Variants in DLG2 observed in about 807,000 individuals in gnomAD.
DLG2 encodes discs large MAGUK scaffold protein 2, also known as disks large homolog 2.
Under a neutral mutation model 132.5 loss-of-function variants are expected in DLG2, and 45 were observed. That is an observed-to-expected ratio of 0.34 (90% CI 0.27 to 0.44). DLG2 has a LOEUF of 0.44. Among genes scored for constraint, DLG2 ranks in the 20% least tolerant of loss-of-function variants. DLG2 has a pLI of 1.00. For synonymous variants in DLG2, 424 were observed against 419.6 expected, an observed-to-expected ratio of 1.01 and a Z score of -0.13; for missense variants, 1,045 against 1,196.9, an observed-to-expected ratio of 0.87 and a Z score of 1.87.
intron 3 of DLG2, among the ~76,000 whole-genome samples, chr11:85,595,524 G>C (rs180998911): frequency 6.6e-6 from 1 of 152,052 alleles, no homozygotes; most frequent in African/African-American, 2.4e-5. Flanking sequence ...GCATATTGCT[G>C]TTTCAGGGTT....
chr11:85,066,505 T>C (rs1297789220), intron 6 of DLG2, among the ~76,000 whole-genome samples: 1 of 151,552 alleles, frequency 6.6e-6, no homozygotes, highest in Non-Finnish European at 1.5e-5. Context: ...CAAAAAATTA[T>C]AGGCCAATAT....
Position 84,803,479 on chromosome 11 carries a change from G to A in DLG2, c.358-268748C>T, listed in dbSNP as rs115064826. ...ACTTTGATATGAGGGCCCTGAAAAC[G>A]CAGTAAGTTATATATTTCTGATAAG... is the stretch of plus-strand genomic sequence containing the variant. On this transcript the variant is annotated intron_variant, in intron 6 of 27. Transcript: ENST00000376104. Among the ~76,000 whole-genome samples the A allele has an allele frequency of 4.7e-3, 718 of 152,200 alleles. 2 individuals carry two copies. Among genetic ancestry groups the A allele is most frequent in the African/African-American group, 0.017 (698 of 41,510 alleles).
intron 4 of DLG2, among the ~76,000 whole-genome samples, chr11:85,170,545 C>T (rs1022087644): frequency 6.6e-6 from 1 of 152,162 alleles, no homozygotes; most frequent in Non-Finnish European, 1.5e-5. Context: ...CAATCTCCTT[C>T]AGTTCAAAGT....
chr11:85,034,561 G>A (rs1380544385), intron 6 of DLG2, among the ~76,000 whole-genome samples: 3 of 152,176 alleles, frequency 2.0e-5, no homozygotes, highest in Non-Finnish European at 2.9e-5. Context: ...AAGAAGTCGA[G>A]GCTGGACAGA....
intron 7 of DLG2, among the ~76,000 whole-genome samples, chr11:84,391,023 C>T (rs1181934510): frequency 6.6e-6 from 1 of 152,102 alleles, no homozygotes; most frequent in East Asian, 1.9e-4. Context: ...CTTCCTATCT[C>T]ATTGATTAAC....
At chr11:83,609,828 C>A (rs866324212) in intron 19 of DLG2, among the ~76,000 whole-genome samples, 32 of 152,242 alleles carry the variant, frequency 2.1e-4, no homozygotes, top group African/African-American at 7.7e-4. Flanking sequence ...CTTATTAATT[C>A]AGAATTATGT....
intron 6 of DLG2, among the ~76,000 whole-genome samples, chr11:85,096,277 A>G (rs1159918175): frequency 2.6e-5 from 4 of 152,254 alleles, no homozygotes; most frequent in Middle Eastern, 3.4e-3. Flanking sequence ...TTCGCTCTTC[A>G]CAATAAATCT....
At chr11:85,393,703 T>C (rs117446736) in intron 3 of DLG2, among the ~76,000 whole-genome samples, 571 of 152,002 alleles carry the variant, frequency 3.8e-3, no homozygotes, top group Non-Finnish European at 5.6e-3. Context: ...TTCCTTTTTA[T>C]GGCCAAGTGG....
chr11:84,782,976 T>G (rs1445856536), intron 6 of DLG2, among the ~76,000 whole-genome samples: 1 of 152,142 alleles, frequency 6.6e-6, no homozygotes, highest in African/African-American at 2.4e-5. Flanking sequence ...CAACCTTTAG[T>G]CCTTCCTATG....
At chr11:84,093,047 A>AAAG (rs1555337666) in intron 10 of DLG2, among the ~76,000 whole-genome samples, 86 of 151,628 alleles carry the variant, frequency 5.7e-4, no homozygotes, top group African/African-American at 2.0e-3. Context: ...AAAAAAAAAA[A>AAAG]AAAGAAAGAA....
intron 6 of DLG2, among the ~76,000 whole-genome samples, chr11:84,899,835 A>G (rs1052262753): frequency 1.2e-4 from 18 of 152,060 alleles, no homozygotes; most frequent in African/African-American, 2.4e-4. Flanking sequence ...AGATTTTTCC[A>G]ATGCTTAAAC....
At chr11:84,435,355 C>T (rs543453311) in intron 7 of DLG2, among the ~76,000 whole-genome samples, 2 of 152,230 alleles carry the variant, frequency 1.3e-5, no homozygotes, top group South Asian at 4.1e-4. Flanking sequence ...CACCAGGCAT[C>T]GACTGAGTGC....
chr11:83,930,385 A>G lies in DLG2; in HGVS notation c.1439T>C (p.Leu480Pro). ...SPVECDKSFL[L>P]SAPYSHYHLG... ...GTGGTAGTGGGAATAGGGAGCTGAG[A>G]GGAGGAAGCTTTTGTCACACTCAAC... is the stretch of plus-strand genomic sequence containing the variant. Residue 480 changes from leucine to proline, a missense_variant, in exon 15 of 28, where the codon CTC becomes CCC. Leu to Pro is a moderately conservative substitution (Grantham distance 98, BLOSUM62 -3). Coordinates refer to ENST00000376104, the MANE Select transcript of DLG2 (RefSeq NM_001142699.3). 6.2e-7 allele frequency: 1 copy of G among 1,614,120 alleles called. No homozygotes were observed. Among genetic ancestry groups the G allele is most frequent in the Non-Finnish European group, 8.5e-7 (1 of 1,179,962 alleles).
At chr11:83,461,786 C>T (rs141188760) in intron 27 of DLG2, 47 of 510,192 alleles carry the variant, frequency 9.2e-5, no homozygotes, top group Admixed American at 1.6e-4. Context: ...CTGGTGGGAA[C>T]CTGGGAGCTG....
intron 7 of DLG2, among the ~76,000 whole-genome samples, chr11:84,502,303 T>C (rs1167348734): frequency 0.1 from 328 of 3,264 alleles, 21 homozygotes; most frequent in African/African-American, 0.18. Flanking sequence ...TCTTTCTTTC[T>C]TTCTTTCTTT....
At chr11:84,716,752 C>T (rs1035071118) in intron 6 of DLG2, among the ~76,000 whole-genome samples, 94 of 146,722 alleles carry the variant, frequency 6.4e-4, no homozygotes, top group Non-Finnish European at 1.1e-3. Context: ...AATAGAAAAT[C>T]TTTTTTTTTG....
At chr11:83,712,985 AG>A (rs1218891172) in intron 18 of DLG2, among the ~76,000 whole-genome samples, 1 of 151,902 alleles carries the variant, frequency 6.6e-6, no homozygotes, top group Non-Finnish European at 1.5e-5. Context: ...TGAAAAAAAA[AG>A]AAAGAAAATA....
chr11:85,432,973 G>A (rs1240761999), intron 3 of DLG2, among the ~76,000 whole-genome samples: 1 of 152,178 alleles, frequency 6.6e-6, no homozygotes, highest in African/African-American at 2.4e-5. Flanking sequence ...AGATTTCTCA[G>A]CAGAAACCCT....
intron 6 of DLG2, among the ~76,000 whole-genome samples, chr11:85,020,257 A>C (rs896682125): frequency 1.3e-5 from 2 of 152,118 alleles, no homozygotes; most frequent in Non-Finnish European, 2.9e-5. Flanking sequence ...TGGCTGCATA[A>C]ATGTCTTCTT....
Sources: allele counts gnomAD v4.1 joint callset (sites outside exome capture counted in the v4.1 genomes callset), GRCh38; gene constraint gnomAD v4.1.1; transcripts MANE v1.5; gene names NCBI Gene and HGNC (gene_info 2026-07-23, HGNC 2026-07-21).